Variants in PAK3 observed in about 807,000 individuals in gnomAD.
PAK3 encodes p21 (RAC1) activated kinase 3, also known as serine/threonine-protein kinase PAK 3.
Under a neutral mutation model 41.0 loss-of-function variants are expected in PAK3, and 4 were observed. The observed-to-expected ratio is 0.10, with a 90% confidence interval of 0.05 to 0.22. The LOEUF is 0.22. Among genes scored for constraint, PAK3 ranks in the 10% least tolerant of loss-of-function variants. The probability of loss-of-function intolerance (pLI) is 1.00; values close to 1 mark genes in which losing one functional copy is unlikely to be tolerated. For synonymous variants in PAK3, 146 were observed against 139.6 expected (o/e 1.05, Z -0.32); for missense variants, 205 against 409.9 (o/e 0.50, Z 4.32).
chrX:111,220,945 C>CAAAAAAAAAAAAAAAAAAAACAAA lies in PAK3; in HGVS notation c.*515_*516insAAACAAAAAAAAAAAAAAAAAAAA. ...AAAAAAGAAAGCAAAAAAAGCAAGG[C>CAAAAAAAAAAAAAAAAAAAACAAA]AAAAAAAAAAAAAAAAACAAACAAA... On this transcript the variant is annotated 3_prime_UTR_variant, in exon 18 of 18. Coordinates refer to ENST00000372007, the MANE Select transcript of PAK3 (RefSeq NM_002578.5). The CAAAAAAAAAAAAAAAAAAAACAAA allele has an allele frequency of 2.0e-5, 1 of 49,447 alleles. No individual in the cohort carries two copies. The allele number at this position is 49,447 out of a possible 1,213,427, so 4.1% of individuals were successfully genotyped here.
intron 1 of PAK3, among the ~76,000 whole-genome samples, chrX:111,060,794 A>G (rs754049207): frequency 1.8e-5 from 2 of 111,929 alleles, no homozygotes; most frequent in African/African-American, 6.5e-5. Flanking sequence ...TCAAGCTGTC[A>G]TTTAACATGT....
rs745822812 is a variant in PAK3, at chrX:111,010,369, G to C, written c.-28+65741G>C. On this transcript the variant is annotated intron_variant, in intron 1 of 14. Transcript: ENST00000425146. ...GTTCTTCTAGCCAAATCAAATCCTT[G>C]ACAAGCCACGCCCATTTCTACTCTT... 7.2e-5 allele frequency among the ~76,000 whole-genome samples: 8 copies of C among 111,300 alleles called. No individual in the cohort carries two copies. The South Asian group carries it at 3.1e-3, about 43-fold the overall frequency.
At chrX:110,970,532 G>C (rs2091184549) in intron 1 of PAK3, among the ~76,000 whole-genome samples, 1 of 111,333 alleles carries the variant, frequency 9.0e-6, no homozygotes, top group Admixed American at 9.6e-5. Flanking sequence ...TCACTCATAA[G>C]TGGGAGTTGA....
intron 1 of PAK3, among the ~76,000 whole-genome samples, chrX:111,012,744 T>C (rs971395894): frequency 8.9e-6 from 1 of 112,285 alleles, no homozygotes; most frequent in Non-Finnish European, 1.9e-5. Flanking sequence ...TGTAAAATTA[T>C]TTCACATTTG....
rs1236844293 is a variant in PAK3, at chrX:111,222,321, G to A, written c.*1874G>A. 1 of 111,681 alleles carries A rather than the reference G, an allele frequency of 9.0e-6. No homozygotes were observed. Among genetic ancestry groups the A allele is most frequent in the Non-Finnish European group, 1.9e-5 (1 of 53,068 alleles). The allele number at this position is 111,681 out of a possible 1,213,427, so 9.2% of individuals were successfully genotyped here. ...AGTTTCAGCAAACTATATAGTGTACGTGTTTATGTTCAGGAGATGACCCCA... is the reference window on the plus strand; with the variant it reads ...AGTTTCAGCAAACTATATAGTGTACATGTTTATGTTCAGGAGATGACCCCA... On this transcript the variant is annotated 3_prime_UTR_variant, in exon 18 of 18. Transcript: ENST00000372007.
Position 111,178,978 on chromosome X carries a change from T to TAGAGAGAGAGAG in PAK3, c.830+5898_830+5899insGAGAGAGAGAGA, listed in dbSNP as rs1278340574. ...ACTGTTTTATATATATATATATATA[T>TAGAGAGAGAGAG]ATAGAGAGAGAGATATCTGTATATC... is the stretch of plus-strand genomic sequence containing the variant. On this transcript the variant is annotated intron_variant, in intron 11 of 17. Coordinates refer to ENST00000372007, the MANE Select transcript of PAK3 (RefSeq NM_002578.5). Among the ~76,000 whole-genome samples, 100 of 92,565 alleles carry TAGAGAGAGAGAG rather than the reference T, an allele frequency of 1.1e-3. 1 individual carries two copies. Among genetic ancestry groups the TAGAGAGAGAGAG allele is most frequent in the African/African-American group, 3.8e-3 (93 of 24,273 alleles). 80.4% of individuals were successfully genotyped at this position (92,565 alleles called of 115,157 possible). A position where few individuals can be genotyped will look rare whatever the true frequency, so the allele number is the denominator to read the frequency against.
intron 5 of PAK3, among the ~76,000 whole-genome samples, chrX:111,133,073 C>G (rs1026567412): frequency 2.7e-4 from 30 of 111,864 alleles, no homozygotes; most frequent in African/African-American, 9.4e-4. Context: ...TAGCAGCACA[C>G]AGCTATCTAG....
chrX:110,989,395 T>C (rs1440825572), intron 1 of PAK3, among the ~76,000 whole-genome samples: 1 of 112,616 alleles, frequency 8.9e-6, no homozygotes, highest in Non-Finnish European at 1.9e-5. Flanking sequence ...TCTAGGAAGA[T>C]TGAAAATCAA....
chrX:110,948,131 C>A (rs1045952736), intron 1 of PAK3, among the ~76,000 whole-genome samples: 1 of 111,821 alleles, frequency 8.9e-6, no homozygotes, highest in African/African-American at 3.3e-5. Flanking sequence ...CCTCATTCAA[C>A]CTTGGCTGAC....
At chrX:111,098,994 C>A (rs2093067169) in intron 3 of PAK3, among the ~76,000 whole-genome samples, 2 of 110,743 alleles carry the variant, frequency 1.8e-5, no homozygotes, top group Non-Finnish European at 3.8e-5. Flanking sequence ...GTCGGCACTA[C>A]ACAGCTTCTC....
At chrX:110,958,459 T>C (rs781566318) in intron 1 of PAK3, among the ~76,000 whole-genome samples, 53 of 111,491 alleles carry the variant, frequency 4.8e-4, no homozygotes, top group Non-Finnish European at 8.1e-4. Flanking sequence ...GAGATGGTGG[T>C]GGCCTGGACT....
chrX:111,020,906 C>T (rs2092168630), intron 1 of PAK3, among the ~76,000 whole-genome samples: 1 of 110,702 alleles, frequency 9.0e-6, no homozygotes, highest in African/African-American at 3.3e-5. Flanking sequence ...TCCCTGGTGA[C>T]CTGTGTGACT....
At chrX:111,028,933 G>T (rs2092307803) in intron 1 of PAK3, among the ~76,000 whole-genome samples, 1 of 109,873 alleles carries the variant, frequency 9.1e-6, no homozygotes, top group African/African-American at 3.3e-5. Flanking sequence ...ACAAGTTCAA[G>T]ACCAGCCTGG....
chrX:110,993,436 C>A (rs2148673309), intron 1 of PAK3, among the ~76,000 whole-genome samples: 1 of 111,536 alleles, frequency 9.0e-6, no homozygotes, highest in East Asian at 2.8e-4. Flanking sequence ...TTTTGTTCTT[C>A]AACATATTCC....
At chrX:110,988,563 T>G (rs1376143177) in intron 1 of PAK3, among the ~76,000 whole-genome samples, 1 of 111,766 alleles carries the variant, frequency 8.9e-6, no homozygotes, top group Non-Finnish European at 1.9e-5. Context: ...ACCTTGACAT[T>G]GGACAAAATT....
chrX:111,204,677 G>T (rs1411866908), intron 16 of PAK3, among the ~76,000 whole-genome samples: 2 of 110,953 alleles, frequency 1.8e-5, no homozygotes, highest in African/African-American at 6.5e-5. Flanking sequence ...AAAACCCTTT[G>T]CATTCTAATA....
intron 14 of PAK3, among the ~76,000 whole-genome samples, chrX:111,195,537 A>G (rs1047958097): frequency 1.8e-5 from 2 of 112,013 alleles, no homozygotes; most frequent in African/African-American, 6.5e-5. Context: ...GAATCCTCCA[A>G]ATAACTGGGC....
chrX:111,091,369 A>C (rs917670065), upstream of PAK3, among the ~76,000 whole-genome samples: 1 of 111,516 alleles, frequency 9.0e-6, no homozygotes, highest in Admixed American at 9.5e-5. Flanking sequence ...AAATCTGTTA[A>C]ATCTGCTTTT....
intron 1 of PAK3, among the ~76,000 whole-genome samples, chrX:110,957,572 T>C (rs1309530955): frequency 8.9e-6 from 1 of 111,858 alleles, no homozygotes; most frequent in Non-Finnish European, 1.9e-5. Context: ...ACAGTAGACA[T>C]TGCTCATTTT....
Sources: allele counts gnomAD v4.1 joint callset (sites outside exome capture counted in the v4.1 genomes callset), GRCh38; gene constraint gnomAD v4.1.1; transcripts MANE v1.5; gene names NCBI Gene and HGNC (gene_info 2026-07-23, HGNC 2026-07-21).